Variants in DOCK7 observed in about 807,000 individuals in gnomAD.
DOCK7 encodes the protein dedicator of cytokinesis 7.
A neutral mutation model predicts 271.0 loss-of-function variants in DOCK7; 138 were observed. That is an observed-to-expected ratio of 0.51 (90% CI 0.44 to 0.59). The LOEUF is 0.59. Among genes scored for constraint, DOCK7 ranks in the 20% least tolerant of loss-of-function variants. The probability of loss-of-function intolerance (pLI) is 0.00; values close to 1 mark genes in which losing one functional copy is unlikely to be tolerated. For synonymous variants in DOCK7, 823 were observed against 876.1 expected, an observed-to-expected ratio of 0.94 and a Z score of 1.07; for missense variants, 2,066 against 2,592.4, an observed-to-expected ratio of 0.80 and a Z score of 4.41.
chr1:62,502,378 T>C (rs2149315991), intron 37 of DOCK7, among the ~76,000 whole-genome samples: 1 of 152,272 alleles, frequency 6.6e-6, no homozygotes, highest in South Asian at 2.1e-4. Context: ...TATTCTCCAG[T>C]TTTATAAGCC....
intron 43 of DOCK7, chr1:62,485,335 TTATC>T: frequency 4.1e-6 from 4 of 985,178 alleles, no homozygotes; most frequent in Non-Finnish European, 4.8e-6. Context: ...AGTTTTAGAG[TTATC>T]TTTCACACAC....
intron 31 of DOCK7, among the ~76,000 whole-genome samples, chr1:62,518,479 C>A (rs1420173444): frequency 6.6e-6 from 1 of 150,914 alleles, no homozygotes. Flanking sequence ...GAGGCAGAGG[C>A]AGGAGAATGG....
At chr1:62,688,064 A>AC (rs1461303340) in intron 1 of DOCK7, among the ~76,000 whole-genome samples, 163 bp downstream of exon 1, 169 of 147,428 alleles carry the variant, frequency 1.1e-3, no homozygotes, top group African/African-American at 4.1e-3. Flanking sequence ...GGCCTCCGCT[A>AC]CCCCCTCAGC....
At chr1:62,546,172 TAAC>T (rs1645700758) in intron 22 of DOCK7, among the ~76,000 whole-genome samples, 1 of 152,106 alleles carries the variant, frequency 6.6e-6, no homozygotes, top group African/African-American at 2.4e-5. Flanking sequence ...TTGGGAAGCT[TAAC>T]AACAACAGTA....
intron 1 of DOCK7, among the ~76,000 whole-genome samples, chr1:62,682,668 T>C (rs1377648765): frequency 6.6e-6 from 1 of 152,056 alleles, no homozygotes; most frequent in Non-Finnish European, 1.5e-5. Flanking sequence ...AGCCCAAGGA[T>C]TGATGAGGAA....
intron 14 of DOCK7, among the ~76,000 whole-genome samples, chr1:62,614,161 C>T (rs558266423): frequency 3.3e-5 from 5 of 152,184 alleles, no homozygotes; most frequent in African/African-American, 1.2e-4. Context: ...AGATTATCAT[C>T]ACCATGATCC....
chr1:62,561,806 T>A (rs1185255134), intron 18 of DOCK7, 103 bp from the exon 19 acceptor site: 1 of 586,618 alleles, frequency 1.7e-6, no homozygotes, highest in African/African-American at 2.0e-5. Flanking sequence ...ATTGTGAAAA[T>A]ATATTTTTAT....
chr1:62,663,173 A>C (rs1658875343), intron 1 of DOCK7, 43 bp from the exon 2 acceptor site: 1 of 1,465,962 alleles, frequency 6.8e-7, no homozygotes, highest in Admixed American at 2.0e-5. Context: ...TTGAAAAAAA[A>C]AAAAACTAAA....
At chr1:62,615,910 C>T (rs1013622994) in intron 14 of DOCK7, among the ~76,000 whole-genome samples, 7 of 151,752 alleles carry the variant, frequency 4.6e-5, no homozygotes, top group Admixed American at 2.0e-4. Flanking sequence ...AAAAATTTAA[C>T]TCCCAGAATA....
intron 29 of DOCK7, among the ~76,000 whole-genome samples, chr1:62,535,202 T>C (rs1417918986): frequency 3.9e-5 from 6 of 152,200 alleles, no homozygotes; most frequent in Non-Finnish European, 8.8e-5. Context: ...CTAATATGCA[T>C]AATTTATTTT....
At chr1:62,602,019 T>C (rs544824600) in intron 14 of DOCK7, 232 of 614,956 alleles carry the variant, frequency 3.8e-4, no homozygotes, top group African/African-American at 3.7e-3. Flanking sequence ...TATAATACTT[T>C]TACCTTGTTT....
chr1:62,611,432 C>T (rs892912670), intron 14 of DOCK7, among the ~76,000 whole-genome samples: 2 of 152,260 alleles, frequency 1.3e-5, no homozygotes, highest in African/African-American at 2.4e-5. Flanking sequence ...AATGCTTCAA[C>T]GAGATCTTCT....
chr1:62,455,246 A>G lies in DOCK7; in HGVS notation c.*168T>C, dbSNP rs1023343479. 2.0e-5 allele frequency: 15 copies of G among 759,632 alleles called. No individual in the cohort carries two copies. The highest frequency in any genetic ancestry group is 3.5e-5 in the African/African-American group (2 of 57,912). The allele number at this position is 759,632 out of a possible 1,614,324, so 47.1% of individuals were successfully genotyped here. On this transcript the variant is annotated 3_prime_UTR_variant, in exon 50 of 50. Coordinates refer to ENST00000635253, the MANE Select transcript of DOCK7 (RefSeq NM_001367561.1). ...TACCAGAACATTAGAAACCATAGCC[A>G]TGATTCTCAAGCGTTAACAATCTAC... is the stretch of plus-strand genomic sequence containing the variant.
At chr1:62,612,948 T>G (rs1328124099) in intron 14 of DOCK7, among the ~76,000 whole-genome samples, 3 of 152,230 alleles carry the variant, frequency 2.0e-5, no homozygotes, top group African/African-American at 4.8e-5. Flanking sequence ...ATACCATGTG[T>G]TCTGTGGACA....
chr1:62,483,951 C>G (rs1185635873), intron 43 of DOCK7: 1 of 152,144 alleles, frequency 6.6e-6, no homozygotes, highest in African/African-American at 2.4e-5. Flanking sequence ...TTTCACTATG[C>G]TCTATTCTTG....
chr1:62,517,241 AAT>A (rs1471151065), intron 31 of DOCK7, among the ~76,000 whole-genome samples: 4 of 152,132 alleles, frequency 2.6e-5, no homozygotes, highest in Non-Finnish European at 5.9e-5. Flanking sequence ...TGTTCCCCTA[AAT>A]TTCCATTTTA....
chr1:62,684,076 C>T (rs1661462930), intron 1 of DOCK7, among the ~76,000 whole-genome samples: 1 of 152,068 alleles, frequency 6.6e-6, no homozygotes. Context: ...CCCGTCACTA[C>T]TAAAAATACA....
chr1:62,551,261 A>G (rs907286698), intron 22 of DOCK7, among the ~76,000 whole-genome samples: 7 of 151,756 alleles, frequency 4.6e-5, no homozygotes, highest in African/African-American at 2.4e-5. Context: ...GGGGTGTCCA[A>G]TCTTTTGGCT....
At chr1:62,681,860 T>C (rs1206287912) in intron 1 of DOCK7, among the ~76,000 whole-genome samples, 2 of 152,130 alleles carry the variant, frequency 1.3e-5, no homozygotes, top group Non-Finnish European at 1.5e-5. Context: ...CAGCAAAGCA[T>C]ACACACAATA....
Sources: gnomAD v4.1 joint callset for allele counts (sites outside exome capture counted in the v4.1 genomes callset) on GRCh38, gnomAD v4.1.1 for gene constraint, MANE v1.5 for transcripts, NCBI Gene and HGNC (gene_info 2026-07-23, HGNC 2026-07-21) for gene names.